The following PBX1 variants were observed in gnomAD, a reference collection of about 807,000 sequenced individuals.
PBX1 encodes the protein pre-B-cell leukemia transcription factor 1.
PBX1 carries 6 observed loss-of-function variants against 53.4 expected under a neutral mutation model. The ratio of observed to expected loss-of-function variants is 0.11; its 90% CI spans 0.06 to 0.22. The LOEUF is 0.22. Among genes scored for constraint, PBX1 ranks in the 10% least tolerant of loss-of-function variants. The pLI, the probability that PBX1 is intolerant of heterozygous loss-of-function variation, is 1.00. For missense variants in PBX1, 251 were observed against 551.4 expected (o/e 0.46, Z 5.46); for synonymous variants, 204 against 212.3 (o/e 0.96, Z 0.34).
chr1:164,569,385 ATAGAG>A (rs1365735459), intron 2 of PBX1, among the ~76,000 whole-genome samples: 7 of 152,274 alleles, frequency 4.6e-5, no homozygotes, highest in Admixed American at 1.3e-4. Flanking sequence ...AGTGCCTGGC[ATAGAG>A]TAAACAGTCA....
At chr1:164,765,995 A>G (rs956711432) in intron 2 of PBX1, among the ~76,000 whole-genome samples, 3 of 152,220 alleles carry the variant, frequency 2.0e-5, no homozygotes, top group Non-Finnish European at 4.4e-5. Context: ...CGTTGGGGGA[A>G]AAAAGAAGGG....
chr1:164,812,201 A>G, intron 6 of PBX1, 52 bp downstream of exon 6: 2 of 1,506,148 alleles, frequency 1.3e-6, no homozygotes, highest in Non-Finnish European at 1.8e-6. Context: ...CTCCATTTTT[A>G]TACTGGCTGT....
chr1:164,608,584 G>C (rs1228869509), intron 2 of PBX1, among the ~76,000 whole-genome samples: 1 of 152,200 alleles, frequency 6.6e-6, no homozygotes, highest in African/African-American at 2.4e-5. Flanking sequence ...ATCTCTATTA[G>C]ACAGATGAGG....
chr1:164,799,452 C>T (rs1009818714), intron 3 of PBX1, among the ~76,000 whole-genome samples: 32 of 152,156 alleles, frequency 2.1e-4, no homozygotes, highest in Non-Finnish European at 7.3e-5. Context: ...TATCGTGCCA[C>T]TGCACTCCAG....
chr1:164,793,320 A>G (rs1323290589), intron 3 of PBX1, among the ~76,000 whole-genome samples: 1 of 152,080 alleles, frequency 6.6e-6, no homozygotes, highest in Admixed American at 6.6e-5. Context: ...GACACAAATC[A>G]TCCTCTGTAA....
chr1:164,702,706 G>A (rs1323346738), intron 2 of PBX1, among the ~76,000 whole-genome samples: 1 of 144,504 alleles, frequency 6.9e-6, no homozygotes, highest in Admixed American at 6.8e-5. Flanking sequence ...GTTGGGGGAT[G>A]GAGAGGACAG....
At chr1:164,644,363 T>C (rs1443329667) in intron 2 of PBX1, among the ~76,000 whole-genome samples, 3 of 152,192 alleles carry the variant, frequency 2.0e-5, no homozygotes, top group Admixed American at 2.0e-4. Context: ...AATGAAATTT[T>C]ATTATTATGT....
chr1:164,655,677 C>T (rs771349902), intron 2 of PBX1, among the ~76,000 whole-genome samples: 1 of 152,174 alleles, frequency 6.6e-6, no homozygotes, highest in Non-Finnish European at 1.5e-5. Flanking sequence ...TCTGGAACTT[C>T]AGTTGACCTC....
chr1:164,869,771 T>C (rs1672305709), intron 2 of PBX1, among the ~76,000 whole-genome samples: 1 of 152,240 alleles, frequency 6.6e-6, no homozygotes, highest in African/African-American at 2.4e-5. Flanking sequence ...GTGGGGCATG[T>C]AATTTTAGTC....
intron 2 of PBX1, among the ~76,000 whole-genome samples, chr1:164,879,824 AT>A (rs1169691848): frequency 1.3e-5 from 2 of 152,220 alleles, no homozygotes; most frequent in African/African-American, 4.8e-5. Context: ...ATGTGAATAC[AT>A]GCAAATTCTA....
At chr1:164,726,493 A>G (rs1664707676) in intron 2 of PBX1, among the ~76,000 whole-genome samples, 1 of 152,230 alleles carries the variant, frequency 6.6e-6, no homozygotes, top group African/African-American at 2.4e-5. Flanking sequence ...GGAACCAATG[A>G]ATTAACCAAA....
intron 8 of PBX1, among the ~76,000 whole-genome samples, chr1:164,844,823 C>G (rs1240515030): frequency 2.6e-5 from 4 of 152,134 alleles, no homozygotes; most frequent in African/African-American, 9.6e-5. Flanking sequence ...GAGTCTTTGC[C>G]CCCAAAAGTT....
intron 2 of PBX1, chr1:164,626,137 C>T (rs2101866722): frequency 9.9e-7 from 1 of 1,012,830 alleles, no homozygotes; most frequent in East Asian, 6.5e-5. Flanking sequence ...GGCCAGTTGA[C>T]TTGAGATGCA....
intron 2 of PBX1, among the ~76,000 whole-genome samples, chr1:164,592,130 G>C (rs1475105889): frequency 6.6e-6 from 1 of 151,886 alleles, no homozygotes; most frequent in Non-Finnish European, 1.5e-5. Context: ...CTGGAGGGAG[G>C]TGGGGAGGAG....
chr1:164,777,107 C>T (rs531375848), intron 2 of PBX1, among the ~76,000 whole-genome samples: 1 of 152,082 alleles, frequency 6.6e-6, no homozygotes, highest in African/African-American at 2.4e-5. Context: ...TTTCGGAAAA[C>T]CACACCTTGA....
intron 2 of PBX1, among the ~76,000 whole-genome samples, chr1:164,587,956 C>T (rs1655067082): frequency 6.6e-6 from 1 of 152,124 alleles, no homozygotes; most frequent in South Asian, 2.1e-4. Context: ...GAGAAAGAGC[C>T]CTAGGATGCA....
chr1:164,590,652 T>C (rs1167840916), intron 2 of PBX1, among the ~76,000 whole-genome samples: 2 of 152,186 alleles, frequency 1.3e-5, no homozygotes, highest in African/African-American at 2.4e-5. Context: ...TGCTTTTACC[T>C]AGCCCTTGGA....
Position 164,850,201 on chromosome 1 carries a change from A to G in PBX1, c.*3525A>G, listed in dbSNP as rs921429942. 9 of 227,138 alleles carry G rather than the reference A, an allele frequency of 4.0e-5. No individual in the cohort carries two copies. Among genetic ancestry groups the G allele is most frequent in the Admixed American group, 3.4e-4 (6 of 17,592 alleles). 14.1% of individuals were successfully genotyped at this position (227,138 alleles called of 1,614,324 possible). On this transcript the variant is annotated 3_prime_UTR_variant, in exon 9 of 9. Transcript: ENST00000420696. ...ATTAGTTTTTAACACCAGACTACCT[A>G]CATTCATCATTTCCCTCATTTTTCT...
At chr1:164,658,149 AAAT>A (rs1420341964) in intron 2 of PBX1, among the ~76,000 whole-genome samples, 1 of 122,530 alleles carries the variant, frequency 8.2e-6, no homozygotes, top group African/African-American at 3.0e-5. Context: ...ATTATTTCAC[AAAT>A]AATAAATGAG....
Sources: gnomAD v4.1 joint callset for allele counts (sites outside exome capture counted in the v4.1 genomes callset) on GRCh38, gnomAD v4.1.1 for gene constraint, MANE v1.5 for transcripts, NCBI Gene and HGNC (gene_info 2026-07-23, HGNC 2026-07-21) for gene names.